NALCN: variants seen among roughly 807,000 people sequenced by gnomAD.
NALCN encodes sodium leak channel NALCN.
Under a neutral mutation model 225.3 loss-of-function variants are expected in NALCN, and 111 were observed. The ratio of observed to expected loss-of-function variants is 0.49; its 90% CI spans 0.42 to 0.58. The LOEUF (loss-of-function observed/expected upper bound fraction) is 0.58, where lower values mean the gene tolerates loss of function less well. NALCN is among the 20% of genes least tolerant of loss of function. The pLI is 0.00. For missense variants in NALCN, 1,378 were observed against 2,202.4 expected (o/e 0.63, Z 7.49); for synonymous variants, 764 against 769.0 (o/e 0.99, Z 0.11).
At chr13:101,161,511 C>G (rs1566363622) in intron 15 of NALCN, among the ~76,000 whole-genome samples, 1 of 152,208 alleles carries the variant, frequency 6.6e-6, no homozygotes, top group South Asian at 2.1e-4. Flanking sequence ...TTCCAAACAG[C>G]TCTCTGGTTC....
At chr13:101,203,534 C>T (rs1235967537) in intron 13 of NALCN, among the ~76,000 whole-genome samples, 3 of 152,124 alleles carry the variant, frequency 2.0e-5, no homozygotes. Context: ...CCTGTGTATT[C>T]TTTATGACTT....
In NALCN at chr13:101,192,181, G is replaced by A. The variant is rs1389249682; in HGVS notation, c.1627-127C>T. 7.0e-6 allele frequency: 7 copies of A among 1,002,728 alleles called. No homozygotes were observed. The African/African-American group carries it at 1.2e-4, about 17-fold the overall frequency. 62.1% of individuals were successfully genotyped at this position (1,002,728 alleles called of 1,614,324 possible). ...TTTTTATCTGATCAGGGCAAGAACA[G>A]TCTTGATTCAACACATAGGAAAGAT... On this transcript the variant is annotated intron_variant, in intron 13 of 43. Coordinates refer to ENST00000251127, the MANE Select transcript of NALCN (RefSeq NM_052867.4).
chr13:101,365,199 T>A (rs966678669), intron 6 of NALCN, among the ~76,000 whole-genome samples: 1 of 152,116 alleles, frequency 6.6e-6, no homozygotes, highest in Non-Finnish European at 1.5e-5. Context: ...CTTCCTCTCA[T>A]CCTCCACCCT....
rs530495282 is a variant in NALCN, at chr13:101,187,084, T to C, written c.1764+4833A>G. Among the ~76,000 whole-genome samples, 343 of 152,276 alleles carry C rather than the reference T, an allele frequency of 2.3e-3. 2 individuals carry two copies. The highest frequency in any genetic ancestry group is 7.0e-3 in the African/African-American group (293 of 41,566). On this transcript the variant is annotated intron_variant, in intron 14 of 43. Coordinates refer to ENST00000251127, the MANE Select transcript of NALCN (RefSeq NM_052867.4). ...TTATCCACTGTCTCACTTTCTGTAG[T>C]TTCAGTTCCCTGTGGTCAGCCACAG...
intron 7 of NALCN, among the ~76,000 whole-genome samples, chr13:101,295,317 C>T (rs2043704162): frequency 6.6e-6 from 1 of 152,094 alleles, no homozygotes; most frequent in African/African-American, 2.4e-5. Context: ...CCCTTATTTT[C>T]CTCTAGGTTT....
At chr13:101,165,019 C>A (rs549107020) in intron 15 of NALCN, among the ~76,000 whole-genome samples, 1 of 152,238 alleles carries the variant, frequency 6.6e-6, no homozygotes, top group African/African-American at 2.4e-5. Context: ...CTTCAGGGTA[C>A]GGTCCTCTCG....
At chr13:101,180,154 G>A (rs922624244) in intron 14 of NALCN, among the ~76,000 whole-genome samples, 1 of 149,910 alleles carries the variant, frequency 6.7e-6, no homozygotes, top group African/African-American at 2.5e-5. Context: ...TTAAGCCATG[G>A]TCCTATCTTT....
At chr13:101,393,350 T>C (rs114816858) in intron 3 of NALCN, among the ~76,000 whole-genome samples, 44 of 152,306 alleles carry the variant, frequency 2.9e-4, no homozygotes, top group African/African-American at 1.1e-3. Flanking sequence ...CTGTGCGCAT[T>C]GCTGGTCAAA....
chr13:101,199,924 G>A (rs1225648378), intron 13 of NALCN, among the ~76,000 whole-genome samples: 1 of 152,072 alleles, frequency 6.6e-6, no homozygotes, highest in Non-Finnish European at 1.5e-5. Context: ...AAAATCCAAT[G>A]CCAGCCCTTT....
intron 14 of NALCN, among the ~76,000 whole-genome samples, chr13:101,189,407 A>C (rs1594397452): frequency 6.6e-6 from 1 of 152,200 alleles, no homozygotes; most frequent in Admixed American, 6.5e-5. Flanking sequence ...AAATGCACAA[A>C]CCGTCTTATC....
intron 10 of NALCN, among the ~76,000 whole-genome samples, chr13:101,259,366 C>T (rs1000728519): frequency 6.6e-6 from 1 of 151,936 alleles, no homozygotes; most frequent in Non-Finnish European, 1.5e-5. Flanking sequence ...AAGAGTCTCG[C>T]TCTCTCGCCC....
At chr13:101,092,386 A>G (rs2034280578) in intron 28 of NALCN, among the ~76,000 whole-genome samples, 1 of 152,226 alleles carries the variant, frequency 6.6e-6, no homozygotes, top group Non-Finnish European at 1.5e-5. Context: ...TTACACAACC[A>G]TCTCTCCTAA....
intron 30 of NALCN, among the ~76,000 whole-genome samples, chr13:101,087,133 G>GA (rs1158428988): frequency 3.3e-5 from 5 of 151,946 alleles, no homozygotes; most frequent in Admixed American, 6.6e-5. Context: ...AGAGAAATCA[G>GA]AAAAAAATCT....
chr13:101,252,058 C>T (rs1407009649), intron 11 of NALCN, among the ~76,000 whole-genome samples: 1 of 152,182 alleles, frequency 6.6e-6, no homozygotes, highest in Non-Finnish European at 1.5e-5. Flanking sequence ...ACTAAAATTT[C>T]TTTGATAAAT....
intron 40 of NALCN, among the ~76,000 whole-genome samples, chr13:101,064,427 G>T (rs538854148): frequency 6.6e-6 from 1 of 152,136 alleles, no homozygotes; most frequent in African/African-American, 2.4e-5. Context: ...ACCTCAGAAC[G>T]TAAGGTTATT....
At chr13:101,272,016 CTG>C (rs201190219) in intron 10 of NALCN, among the ~76,000 whole-genome samples, 13,433 of 151,052 alleles carry the variant, frequency 0.089, 1,902 homozygotes, top group African/African-American at 0.3. Flanking sequence ...TTGTGTGTCA[CTG>C]TGTGTGTATG....
At chr13:101,306,544 CT>C (rs1197889809) in intron 7 of NALCN, among the ~76,000 whole-genome samples, 1 of 152,194 alleles carries the variant, frequency 6.6e-6, no homozygotes, top group Non-Finnish European at 1.5e-5. Flanking sequence ...CTGATGCTGG[CT>C]TTGACTTTAG....
At chr13:101,177,879 G>C (rs1002586664) in intron 14 of NALCN, among the ~76,000 whole-genome samples, 2 of 152,166 alleles carry the variant, frequency 1.3e-5, no homozygotes, top group African/African-American at 4.8e-5. Flanking sequence ...ATTTTAATGA[G>C]TATATCAACA....
chr13:101,194,717 A>C (rs2039819396), intron 13 of NALCN, among the ~76,000 whole-genome samples: 1 of 152,212 alleles, frequency 6.6e-6, no homozygotes. Context: ...AAAAGGAAGA[A>C]TACTGGCTGG....
Sources: allele counts gnomAD v4.1 joint callset (sites outside exome capture counted in the v4.1 genomes callset), GRCh38; gene constraint gnomAD v4.1.1; transcripts MANE v1.5; gene names NCBI Gene and HGNC (gene_info 2026-07-23, HGNC 2026-07-21).